Variants in ADGB observed in about 807,000 individuals in gnomAD.
ADGB encodes calpain-7-like protein.
In ADGB, 172 loss-of-function variants were observed where a neutral mutation model predicts 210.5. The observed-to-expected ratio is 0.82, with a 90% CI of 0.72 to 0.93. ADGB has a LOEUF of 0.93. Ranked by LOEUF, ADGB falls within the 40% of genes least tolerant of loss-of-function variation. The probability of loss-of-function intolerance (pLI) is 0.00; values close to 1 mark genes in which losing one functional copy is unlikely to be tolerated. For synonymous variants in ADGB, 658 were observed against 662.7 expected (o/e 0.99, Z 0.11); for missense variants, 2,025 against 1,964.8 (o/e 1.03, Z -0.58).
At chr6:146,630,071 T>C (rs1781037620) in intron 1 of ADGB, among the ~76,000 whole-genome samples, 1 of 151,276 alleles carries the variant, frequency 6.6e-6, no homozygotes, top group Non-Finnish European at 1.5e-5. Context: ...ACTCCACCTG[T>C]ACTAAAAATA....
At chr6:146,794,399 A>G (rs1394321906) in intron 33 of ADGB, among the ~76,000 whole-genome samples, 1 of 150,642 alleles carries the variant, frequency 6.6e-6, no homozygotes, top group Non-Finnish European at 1.5e-5. Flanking sequence ...CTATTGTCCC[A>G]TTGGAGAAAA....
In ADGB at chr6:146,623,211, T is replaced by C. The variant is rs144718554; in HGVS notation, c.75-12164T>C. On this transcript the variant is annotated intron_variant, in intron 1 of 35. Transcript: ENST00000397944. Reference sequence around the variant, plus strand: ...TAGAATCAACTTGTCAAATTCTTTATATTAAAAAAGCCTGCTGGGATTTTG... The same window carrying C: ...TAGAATCAACTTGTCAAATTCTTTACATTAAAAAAGCCTGCTGGGATTTTG... Among the ~76,000 whole-genome samples the C allele has an allele frequency of 8.9e-4, 136 of 152,098 alleles. 3 individuals are homozygous for C. The Middle Eastern group carries it at 0.017, about 19-fold the overall frequency.
chr6:146,715,902 T>C (rs1776725636), intron 14 of ADGB, among the ~76,000 whole-genome samples: 1 of 151,760 alleles, frequency 6.6e-6, no homozygotes, highest in African/African-American at 2.4e-5. Flanking sequence ...ACCCTGTCTC[T>C]ACTAAAAATA....
At chr6:146,683,294 A>G (rs535412669) in intron 9 of ADGB, among the ~76,000 whole-genome samples, 2 of 152,252 alleles carry the variant, frequency 1.3e-5, no homozygotes, top group South Asian at 4.1e-4. Flanking sequence ...GCAGTGTTAC[A>G]TAATAGTTCA....
Position 146,606,171 on chromosome 6 carries a change from A to G in ADGB, c.74+7057A>G, listed in dbSNP as rs369760728. ...GGTTTTGATTGGTATTTCTCTAATG[A>G]TTAGTGATGTTAAATATTTTTTCAT... On this transcript the variant is annotated intron_variant, in intron 1 of 35. Coordinates refer to ENST00000397944, the MANE Select transcript of ADGB (RefSeq NM_024694.4). Among the ~76,000 whole-genome samples the G allele has an allele frequency of 1.1e-4, 17 of 152,066 alleles. No individual in the cohort carries two copies. The East Asian group carries it at 1.5e-3, about 14-fold the overall frequency.
At chr6:146,773,334 A>G (rs1049726350) in intron 29 of ADGB, among the ~76,000 whole-genome samples, 1 of 152,176 alleles carries the variant, frequency 6.6e-6, no homozygotes, top group Non-Finnish European at 1.5e-5. Flanking sequence ...GGATGTTGAA[A>G]TTATTAGTAA....
chr6:146,794,943 G>C (rs547788193), intron 33 of ADGB, among the ~76,000 whole-genome samples: 1 of 152,094 alleles, frequency 6.6e-6, no homozygotes, highest in Non-Finnish European at 1.5e-5. Flanking sequence ...CTACATAAAG[G>C]TCTCCTTGTC....
chr6:146,618,895 G>A (rs1583561491), intron 1 of ADGB, among the ~76,000 whole-genome samples: 1 of 151,972 alleles, frequency 6.6e-6, no homozygotes, highest in African/African-American at 2.4e-5. Flanking sequence ...TAACTCCAAT[G>A]TTTCTTTGTT....
At chr6:146,726,390 T>C (rs1583608601) in intron 19 of ADGB, among the ~76,000 whole-genome samples, 193 bp downstream of exon 19, 1 of 151,878 alleles carries the variant, frequency 6.6e-6, no homozygotes, top group East Asian at 1.9e-4. Context: ...ACCCTGCAGA[T>C]TTTTTTGTAT....
At chr6:146,605,512 C>A (rs1222727747) in intron 1 of ADGB, among the ~76,000 whole-genome samples, 1 of 152,060 alleles carries the variant, frequency 6.6e-6, no homozygotes, top group Non-Finnish European at 1.5e-5. Context: ...TCTCCAGGGC[C>A]TGAATATATA....
At chr6:146,809,919 C>G (rs1778279323) in intron 35 of ADGB, among the ~76,000 whole-genome samples, 1 of 151,862 alleles carries the variant, frequency 6.6e-6, no homozygotes, top group Non-Finnish European at 1.5e-5. Flanking sequence ...TTGGAGATGA[C>G]ACCAGAAGCA....
chr6:146,605,237 G>A (rs1430654412), intron 1 of ADGB, among the ~76,000 whole-genome samples: 1 of 152,140 alleles, frequency 6.6e-6, no homozygotes, highest in African/African-American at 2.4e-5. Context: ...CTGAGATAAT[G>A]GGAGAATGCG....
intron 28 of ADGB, among the ~76,000 whole-genome samples, chr6:146,767,594 G>T (rs776137468): frequency 1.3e-5 from 2 of 152,026 alleles, no homozygotes; most frequent in African/African-American, 2.4e-5. Context: ...TCAGCCTCTG[G>T]AGTAGCTGGG....
chr6:146,807,261 A>G (rs1778225511), intron 35 of ADGB: 2 of 794,050 alleles, frequency 2.5e-6, no homozygotes, highest in Non-Finnish European at 4.0e-6. Flanking sequence ...TTTTGAGACC[A>G]TACACTAATT....
At chr6:146,683,241 G>C (rs566874947) in intron 9 of ADGB, among the ~76,000 whole-genome samples, 1 of 152,144 alleles carries the variant, frequency 6.6e-6, no homozygotes, top group African/African-American at 2.4e-5. Context: ...TTTCATTTTA[G>C]CAGTACAAAA....
intron 1 of ADGB, among the ~76,000 whole-genome samples, chr6:146,602,850 A>G (rs9403793): frequency 6.6e-6 from 1 of 152,014 alleles, no homozygotes; most frequent in Admixed American, 6.5e-5. Context: ...CAAGGGATCT[A>G]GGTTGTGTGA....
At chr6:146,628,004 G>T (rs1226377313) in intron 1 of ADGB, among the ~76,000 whole-genome samples, 3 of 152,042 alleles carry the variant, frequency 2.0e-5, no homozygotes, top group Non-Finnish European at 4.4e-5. Context: ...CAGATTTTGT[G>T]TTGTCTTAGG....
At chr6:146,664,157 T>C in intron 5 of ADGB, 44 bp from the exon 6 acceptor site, 1 of 1,496,486 alleles carries the variant, frequency 6.7e-7, no homozygotes, top group Non-Finnish European at 8.9e-7. Context: ...GAGAAAAGAC[T>C]GTAAGCCATT....
intron 13 of ADGB, among the ~76,000 whole-genome samples, chr6:146,704,311 A>G (rs1776536533): frequency 6.6e-6 from 1 of 151,502 alleles, no homozygotes; most frequent in African/African-American, 2.4e-5. Context: ...ATTTAGTTTG[A>G]TGTAATTCCT....
Sources: allele counts gnomAD v4.1 joint callset (sites outside exome capture counted in the v4.1 genomes callset), GRCh38; gene constraint gnomAD v4.1.1; transcripts MANE v1.5; gene names NCBI Gene and HGNC (gene_info 2026-07-23, HGNC 2026-07-21).